DOT1L: variants seen among roughly 807,000 people sequenced by gnomAD.
DOT1L encodes DOT1 like histone lysine methyltransferase.
Under a neutral mutation model 153.3 loss-of-function variants are expected in DOT1L, and 33 were observed. The ratio of observed to expected loss-of-function variants is 0.22; its 90% confidence interval spans 0.16 to 0.29. The LOEUF (loss-of-function observed/expected upper bound fraction) is 0.29. Ranked by LOEUF, DOT1L falls within the 10% of genes least tolerant of loss-of-function variation. DOT1L has a pLI of 1.00. For synonymous variants in DOT1L, 1,135 were observed against 965.1 expected (o/e 1.18, Z -3.26); for missense variants, 1,847 against 2,119.9 (o/e 0.87, Z 2.53).
At chr19:2,199,432 G>A (rs1014017884) in intron 7 of DOT1L, among the ~76,000 whole-genome samples, 2 of 152,248 alleles carry the variant, frequency 1.3e-5, no homozygotes, top group African/African-American at 2.4e-5. Context: ...GCCCCCCAGC[G>A]CCCTGTGGCC....
In DOT1L at chr19:2,223,414, C is replaced by T. The variant is rs373783949; in HGVS notation, c.3524C>T (p.Thr1175Ile). Residue 1175 changes from threonine to isoleucine, a missense_variant, in exon 25 of 28, where the codon ACC (threonine) becomes ATC (isoleucine). Thr to Ile is a moderately conservative substitution (Grantham distance 89). Transcript: ENST00000398665. ...VLKKERPLSQTNGAHYSPLTS... is the reference protein window; with the variant it reads ...VLKKERPLSQINGAHYSPLTS... ...AAGAAGGAGCGGCCTCTGAGCCAGA[C>T]CAATGGGGCACACTACTCCCCACTC... 1.9e-6 allele frequency: 3 copies of T among 1,613,682 alleles called. No homozygotes were observed. The highest frequency in any genetic ancestry group is 2.5e-6 in the Non-Finnish European group (3 of 1,179,980).
chr19:2,178,531 C>T (rs1455411300), intron 1 of DOT1L, among the ~76,000 whole-genome samples: 1 of 151,476 alleles, frequency 6.6e-6, no homozygotes, highest in Non-Finnish European at 1.5e-5. Flanking sequence ...CATTCTCCTG[C>T]CTCTGCCTCC....
chr19:2,210,536 G>T, intron 13 of DOT1L, 26 bp downstream of exon 13: 1 of 1,589,236 alleles, frequency 6.3e-7, no homozygotes. Flanking sequence ...GGCTCCTGCT[G>T]CTGGAGGGCA....
rs371887312 is a variant in DOT1L, at chr19:2,228,273, C to T, written c.4606+1146C>T. The T allele has an allele frequency of 5.5e-5, 75 of 1,358,378 alleles. No individual in the cohort carries two copies. In the Admixed American group the frequency reaches 7.9e-4, roughly 14 times the overall value. The allele number at this position is 1,358,378 out of a possible 1,614,324, so 84.1% of individuals were successfully genotyped here. On this transcript the variant is annotated intron_variant, in intron 27 of 27. Coordinates refer to ENST00000398665, the MANE Select transcript of DOT1L (RefSeq NM_032482.3). ...GATCCCACAGGCCAGCGCCACGGGG[C>T]CGTCCGCGGTGTGGGTGTCCCTCGG...
At chr19:2,203,553 G>T (rs1027178466) in intron 9 of DOT1L, among the ~76,000 whole-genome samples, 1 of 152,178 alleles carries the variant, frequency 6.6e-6, no homozygotes, top group South Asian at 2.1e-4. Flanking sequence ...TTCTCCCTCC[G>T]GAGAAAGGTC....
At position 2,210,283 on chromosome 19, in the gene DOT1L, G is replaced by T. The variant is rs562585961; in HGVS notation, c.1006-117G>T. ...TCCTGATTTGTGCCACAGAGGACTT[G>T]CAGTGGACAGAGTTGGGCCCGTGGC... On this transcript the variant is annotated intron_variant, in intron 12 of 27. Transcript: ENST00000398665. 2.4e-5 allele frequency: 22 copies of T among 908,684 alleles called. No homozygotes were observed. In the Admixed American group the frequency reaches 5.9e-4, roughly 24 times the overall value. The allele number at this position is 908,684 out of a possible 1,614,324, so 56.3% of individuals were successfully genotyped here.
Position 2,216,624 on chromosome 19 carries a change from G to A in DOT1L, c.2267G>A (p.Gly756Asp), listed in dbSNP as rs2144868719. The A allele has an allele frequency of 6.2e-7, 1 of 1,605,864 alleles. No homozygotes were observed. The highest frequency in any genetic ancestry group is 8.5e-7 in the Non-Finnish European group (1 of 1,179,892). ...GTGCCCTGTACCCCTAGCCACGTCG[G>A]CCGGCCGCGCCTGGAGAAGCTGTCT... Reference protein sequence around the residue: ...EVVPCTPSHVGRPRLEKLSGL... With the variant: ...EVVPCTPSHVDRPRLEKLSGL... Residue 756 changes from glycine to aspartate, a missense_variant, in exon 20 of 28, where the codon GGC becomes GAC. Physicochemically the swap from Gly to Asp is moderately conservative, Grantham distance 94. Transcript: ENST00000398665.
Position 2,232,543 on chromosome 19 carries a change from C to G in DOT1L, c.*2751C>G, listed in dbSNP as rs1370313941. On this transcript the variant is annotated 3_prime_UTR_variant, in exon 28 of 28. Coordinates refer to ENST00000398665, the MANE Select transcript of DOT1L (RefSeq NM_032482.3). ...ACCCCTGCATTCTGCATCCCCACCT[C>G]TAGACGCTGTAATAAACAGACTGTT... is the stretch of plus-strand genomic sequence containing the variant. 3 of 214,390 alleles carry G rather than the reference C, an allele frequency of 1.4e-5. No homozygotes were observed. The highest frequency in any genetic ancestry group is 2.8e-5 in the Non-Finnish European group (3 of 106,214). 13.3% of individuals were successfully genotyped at this position (214,390 alleles called of 1,614,324 possible). A position where few individuals can be genotyped will look rare whatever the true frequency, so the allele number is the denominator to read the frequency against.
rs774216699 is a variant in DOT1L at position 2,191,260 on chromosome 19, C to T, written c.493+20C>T. 5 of 1,611,402 alleles carry T rather than the reference C, an allele frequency of 3.1e-6. No homozygotes were observed. The Admixed American group carries it at 8.3e-5, about 27-fold the overall frequency. On this transcript the variant is annotated intron_variant, in intron 5 of 27. Coordinates refer to ENST00000398665, the MANE Select transcript of DOT1L (RefSeq NM_032482.3). This position sits in a 1 kb window ranked among gnomAD's most constrained non-coding sequence, Gnocchi z 6.8. Reference sequence around the variant, plus strand: ...GGAGCGGTGAGTGTCGCCCGCCATGCCCGGCTCCTGTGCACTTCCAGGCCA... The same window carrying T: ...GGAGCGGTGAGTGTCGCCCGCCATGTCCGGCTCCTGTGCACTTCCAGGCCA...
chr19:2,173,260 C>T (rs958592554), intron 1 of DOT1L, among the ~76,000 whole-genome samples: 1 of 152,182 alleles, frequency 6.6e-6, no homozygotes, highest in Non-Finnish European at 1.5e-5. Flanking sequence ...CACGCTGTGG[C>T]TTTGGCCTCA....
At chr19:2,200,516 C>T (rs940075055) in intron 8 of DOT1L, among the ~76,000 whole-genome samples, 1 of 152,306 alleles carries the variant, frequency 6.6e-6, no homozygotes, top group South Asian at 2.1e-4. Flanking sequence ...GTGCTTTCCA[C>T]TGCCCAGCCT....
Position 2,197,099 on chromosome 19 carries a change from C to T in DOT1L, c.651+2522C>T, listed in dbSNP as rs1410190091. ...AGGGGTTTTCTGCCGTGGTGGGAGC[C>T]GTGGCCTGCGGTGCTTCCTTGCGGC... On this transcript the variant is annotated intron_variant, in intron 7 of 27. Transcript: ENST00000398665. The surrounding 1 kb of genome is among the most constrained non-coding windows in gnomAD (Gnocchi z 4.1). Among the ~76,000 whole-genome samples, 4 of 152,188 alleles carry T rather than the reference C, an allele frequency of 2.6e-5. No individual in the cohort carries two copies. The highest frequency in any genetic ancestry group is 3.4e-3 in the Middle Eastern group (1 of 294).
chr19:2,219,991 G>A, intron 22 of DOT1L, 117 bp from the exon 23 acceptor site: 1 of 891,326 alleles, frequency 1.1e-6, no homozygotes, highest in Non-Finnish European at 1.7e-6. Flanking sequence ...GTACTGGACG[G>A]TGACCCCGGC....
intron 27 of DOT1L, chr19:2,227,562 C>CCGGAGGG (rs145245413): frequency 1.7e-5 from 12 of 698,378 alleles, no homozygotes; most frequent in African/African-American, 9.8e-5. Context: ...GGGCGGGGGG[C>CCGGAGGG]CGGAGGGCGG....
chr19:2,225,426 A>G lies in DOT1L; in HGVS notation c.3635A>G (p.Lys1212Arg), dbSNP rs1466529900. 8.1e-6 allele frequency: 13 copies of G among 1,614,176 alleles called. No homozygotes were observed. The highest frequency in any genetic ancestry group is 1.1e-5 in the Non-Finnish European group (13 of 1,180,016). Residue 1212 changes from lysine to arginine, a missense_variant, in exon 26 of 28, where the codon AAA becomes AGA. By Grantham distance (26) the Lys-to-Arg change is conservative. This residue lies in a region of DOT1L where 934 missense variants were observed against 825.3 expected (regional missense o/e 1.13). Coordinates refer to ENST00000398665, the MANE Select transcript of DOT1L (RefSeq NM_032482.3). Reference protein sequence around the residue: ...RKIATISLESKSPPKTLENGG... With the variant: ...RKIATISLESRSPPKTLENGG... The stretch of plus-strand genomic sequence containing the variant: ...ATTGCAACAATCTCCTTAGAAAGCA[A>G]ATCTCCCCCGAAAACCTTGGAAAAT...
At position 2,230,113 on chromosome 19, in the gene DOT1L, G is replaced by A. The variant is rs2024533981; in HGVS notation, c.*321G>A. Reference sequence around the variant, plus strand: ...ATATGAGAGCTCTATATAAAGACACGTGTCTGCAGGGCGGGCCCGCCAGCG... The same window carrying A: ...ATATGAGAGCTCTATATAAAGACACATGTCTGCAGGGCGGGCCCGCCAGCG... On this transcript the variant is annotated 3_prime_UTR_variant, in exon 28 of 28. Transcript: ENST00000398665. 8 of 535,530 alleles carry A rather than the reference G, an allele frequency of 1.5e-5. No homozygotes were observed. The highest frequency in any genetic ancestry group is 7.2e-5 in the Admixed American group (2 of 27,662). 33.2% of individuals were successfully genotyped at this position (535,530 alleles called of 1,614,324 possible). A position where few individuals can be genotyped will look rare whatever the true frequency, so the allele number is the denominator to read the frequency against.
intron 9 of DOT1L, among the ~76,000 whole-genome samples, chr19:2,203,305 G>C (rs1345654862): frequency 6.6e-6 from 1 of 152,154 alleles, no homozygotes; most frequent in Non-Finnish European, 1.5e-5. Context: ...TCACCATGTT[G>C]GCCAGGCTGG....
intron 3 of DOT1L, among the ~76,000 whole-genome samples, chr19:2,189,325 G>A (rs2022689162): frequency 1.3e-5 from 2 of 152,334 alleles, no homozygotes; most frequent in South Asian, 4.1e-4. Flanking sequence ...CTCTGGCGAT[G>A]GTGGCTGTCC....
chr19:2,222,567 T>G lies in DOT1L; in HGVS notation c.3390+8T>G. ...CTCAACCTCAACTCCATGGTAAGGA[T>G]GGGGACCGGCAGGGCTGGGGAGCGC... On this transcript the variant is annotated splice_region_variant and intron_variant, in intron 24 of 27. Coordinates refer to ENST00000398665, the MANE Select transcript of DOT1L (RefSeq NM_032482.3). This position sits in a 1 kb window ranked among gnomAD's most constrained non-coding sequence, Gnocchi z 6.5. 1 of 1,533,290 alleles carries G rather than the reference T, an allele frequency of 6.5e-7. No individual in the cohort carries two copies. Among genetic ancestry groups the G allele is most frequent in the Non-Finnish European group, 8.7e-7 (1 of 1,144,250 alleles). The allele number at this position is 1,533,290 out of a possible 1,614,324, so 95.0% of individuals were successfully genotyped here.
Sources: allele counts gnomAD v4.1 joint callset (sites outside exome capture counted in the v4.1 genomes callset), GRCh38; gene constraint gnomAD v4.1.1; regional missense constraint gnomAD v4.1.1; non-coding constraint Gnocchi (gnomAD v3.1); transcripts MANE v1.5; gene names NCBI Gene and HGNC (gene_info 2026-07-23, HGNC 2026-07-21).